Variants in DCC observed in about 807,000 individuals in gnomAD.
DCC encodes DCC netrin 1 receptor.
In DCC, 58 loss-of-function variants were observed where a neutral mutation model predicts 172.5. That is an observed-to-expected ratio of 0.34 (90% CI 0.27 to 0.42). The LOEUF is 0.42. Among genes scored for constraint, DCC ranks in the 10% least tolerant of loss-of-function variants. The pLI is 1.00. For synonymous variants in DCC, 709 were observed against 644.5 expected (o/e 1.10, Z -1.52); for missense variants, 1,740 against 1,791.0 (o/e 0.97, Z 0.51).
chr18:53,044,657 C>G (rs147589245), intron 5 of DCC, among the ~76,000 whole-genome samples: 54 of 151,948 alleles, frequency 3.6e-4, no homozygotes, highest in African/African-American at 1.2e-3. Flanking sequence ...ATTTCTGCCC[C>G]ACCTGAAATT....
intron 5 of DCC, among the ~76,000 whole-genome samples, chr18:52,929,466 C>T (rs1273409626): frequency 2.6e-5 from 4 of 151,936 alleles, no homozygotes; most frequent in Non-Finnish European, 5.9e-5. Flanking sequence ...AAATAAAATA[C>T]GTGACCGTAA....
intron 22 of DCC, among the ~76,000 whole-genome samples, chr18:53,449,635 C>T (rs939276851): frequency 2.0e-5 from 3 of 152,174 alleles, no homozygotes; most frequent in African/African-American, 7.2e-5. Flanking sequence ...TCCTCATAAA[C>T]CATAGCCTCT....
chr18:53,125,294 A>G (rs1349019935), intron 7 of DCC, among the ~76,000 whole-genome samples: 1 of 151,918 alleles, frequency 6.6e-6, no homozygotes, highest in African/African-American at 2.4e-5. Context: ...TTCACAGAGA[A>G]TTTCTTCTCC....
chr18:52,517,415 C>T (rs193285964), intron 1 of DCC, among the ~76,000 whole-genome samples: 5 of 152,224 alleles, frequency 3.3e-5, no homozygotes, highest in African/African-American at 4.8e-5. Flanking sequence ...CAAGGTGCTG[C>T]GTAGAATTTA....
At chr18:52,607,087 A>C (rs2034149060) in intron 1 of DCC, among the ~76,000 whole-genome samples, 1 of 152,140 alleles carries the variant, frequency 6.6e-6, no homozygotes, top group Non-Finnish European at 1.5e-5. Flanking sequence ...AGCTTTACAC[A>C]ACAAAGATAG....
At chr18:53,199,924 C>A (rs10221371) in intron 9 of DCC, among the ~76,000 whole-genome samples, 55,726 of 151,870 alleles carry the variant, frequency 0.37, 10,983 homozygotes, top group Non-Finnish European at 0.44. Context: ...ATAAATTTTA[C>A]AACGAAAGAG....
intron 1 of DCC, among the ~76,000 whole-genome samples, chr18:52,630,102 A>T (rs1192765485): frequency 6.6e-6 from 1 of 152,068 alleles, no homozygotes; most frequent in Non-Finnish European, 1.5e-5. Flanking sequence ...ACAGAGCAAG[A>T]CTCCATCTAA....
intron 1 of DCC, among the ~76,000 whole-genome samples, chr18:52,558,644 G>T (rs1021807638): frequency 4.0e-4 from 61 of 152,236 alleles, no homozygotes; most frequent in African/African-American, 1.4e-3. Flanking sequence ...ATGTAGTGGG[G>T]TCTCCTATTA....
intron 8 of DCC, among the ~76,000 whole-genome samples, chr18:53,174,731 G>A (rs1228893484): frequency 2.0e-5 from 3 of 146,844 alleles, no homozygotes; most frequent in Non-Finnish European, 3.0e-5. Flanking sequence ...ATTCACAGCC[G>A]AATTCTACCA....
chr18:52,756,723 GCTAT>G lies in DCC; in HGVS notation c.412+4352_412+4355del, dbSNP rs139365404. ...ATCTTCCCTACTCTAAACGTTGCCAGCTATCTGAGCCTCTGGAGTATTTTCTGTT... is the reference window on the plus strand; with the variant it reads ...ATCTTCCCTACTCTAAACGTTGCCAGCTGAGCCTCTGGAGTATTTTCTGTT... On this transcript the variant is annotated intron_variant, in intron 2 of 28. Transcript: ENST00000442544. Among the ~76,000 whole-genome samples the G allele has an allele frequency of 7.4e-3, 1,120 of 152,234 alleles. 15 individuals are homozygous for G. The highest frequency in any genetic ancestry group is 0.026 in the African/African-American group (1,060 of 41,558).
intron 5 of DCC, among the ~76,000 whole-genome samples, chr18:52,927,166 T>G (rs370274597): frequency 1.4e-5 from 1 of 69,896 alleles, no homozygotes; most frequent in East Asian, 3.9e-4. Context: ...TACGTATATA[T>G]GTGTATATAT....
At chr18:52,715,068 T>C (rs1348239248) in intron 1 of DCC, among the ~76,000 whole-genome samples, 1 of 152,134 alleles carries the variant, frequency 6.6e-6, no homozygotes, top group Non-Finnish European at 1.5e-5. Flanking sequence ...AGCCTCTCTT[T>C]GCTACATCTA....
intron 5 of DCC, among the ~76,000 whole-genome samples, chr18:53,047,251 T>G (rs553158255): frequency 4.3e-4 from 2 of 4,654 alleles, no homozygotes; most frequent in Non-Finnish European, 8.6e-4. Context: ...TATATATATA[T>G]ATATATATAT....
chr18:53,198,287 A>G (rs2055479785), intron 9 of DCC, among the ~76,000 whole-genome samples: 1 of 152,306 alleles, frequency 6.6e-6, no homozygotes, highest in African/African-American at 2.4e-5. Flanking sequence ...TACATATTAC[A>G]ACTTTTAATG....
intron 2 of DCC, among the ~76,000 whole-genome samples, chr18:52,897,185 A>T (rs1052344305): frequency 2.0e-5 from 3 of 152,160 alleles, no homozygotes; most frequent in Non-Finnish European, 4.4e-5. Flanking sequence ...TCATTGCTTC[A>T]AGGATCTGGA....
intron 12 of DCC, among the ~76,000 whole-genome samples, chr18:53,228,255 A>T (rs2056065788): frequency 6.6e-6 from 1 of 151,790 alleles, no homozygotes; most frequent in Non-Finnish European, 1.5e-5. Flanking sequence ...GTTGTTAGTA[A>T]AAAAATAAAA....
intron 2 of DCC, among the ~76,000 whole-genome samples, chr18:52,869,764 C>T (rs1380632652): frequency 6.6e-6 from 1 of 152,220 alleles, no homozygotes; most frequent in Non-Finnish European, 1.5e-5. Flanking sequence ...GTATGTACTC[C>T]TGGCTGGGCT....
At chr18:53,448,407 A>G (rs902076792) in intron 22 of DCC, among the ~76,000 whole-genome samples, 20 of 152,188 alleles carry the variant, frequency 1.3e-4, no homozygotes, top group Non-Finnish European at 2.1e-4. Context: ...TTATAAAACC[A>G]TCAGACCTTG....
chr18:52,428,174 C>G (rs1302772683), intron 1 of DCC, among the ~76,000 whole-genome samples: 1 of 152,064 alleles, frequency 6.6e-6, no homozygotes, highest in Non-Finnish European at 1.5e-5. Context: ...AATTGCCTCT[C>G]TACATGCATA....
Sources: gnomAD v4.1 joint callset for allele counts (sites outside exome capture counted in the v4.1 genomes callset) on GRCh38, gnomAD v4.1.1 for gene constraint, MANE v1.5 for transcripts, NCBI Gene and HGNC (gene_info 2026-07-23, HGNC 2026-07-21) for gene names.